The following NDUFV2 variants were observed in gnomAD, a reference collection of about 807,000 sequenced individuals.
NDUFV2 encodes NADH:ubiquinone oxidoreductase core subunit V2, also known as NADH dehydrogenase [ubiquinone] flavoprotein 2, mitochondrial.
Under a neutral mutation model 31.6 loss-of-function variants are expected in NDUFV2, and 18 were observed. That is an observed-to-expected ratio of 0.57 (90% confidence interval 0.39 to 0.84). The LOEUF (loss-of-function observed/expected upper bound fraction) is 0.84. Among genes scored for constraint, NDUFV2 ranks in the 40% least tolerant of loss-of-function variants. NDUFV2 has a pLI of 0.00. For missense variants in NDUFV2, 314 were observed against 303.6 expected (o/e 1.03, Z -0.26); for synonymous variants, 83 against 99.8 (o/e 0.83, Z 1.01).
intron 1 of NDUFV2, chr18:9,103,339 C>A (rs573623534): frequency 2.6e-6 from 1 of 391,256 alleles, no homozygotes; most frequent in Non-Finnish European, 4.5e-6. Flanking sequence ...CAAACTAACT[C>A]TGAAAGAACG....
chr18:9,114,128 C>T (rs983353277), intron 1 of NDUFV2, among the ~76,000 whole-genome samples: 2 of 152,062 alleles, frequency 1.3e-5, no homozygotes, highest in South Asian at 2.1e-4. Flanking sequence ...CTGCTGCTCA[C>T]CAAATGCACA....
intron 1 of NDUFV2, among the ~76,000 whole-genome samples, chr18:9,114,454 T>A (rs1251361815): frequency 6.6e-6 from 1 of 151,812 alleles, no homozygotes; most frequent in Non-Finnish European, 1.5e-5. Flanking sequence ...TCTTTTTTTT[T>A]TTTTTTTTTT....
At chr18:9,123,024 CATT>C (rs1261992881) in intron 5 of NDUFV2, among the ~76,000 whole-genome samples, 2 of 152,124 alleles carry the variant, frequency 1.3e-5, no homozygotes, top group South Asian at 2.1e-4. Flanking sequence ...AAAAGTGACC[CATT>C]ATTGTCTTTA....
At chr18:9,121,866 A>G (rs922097177) in intron 4 of NDUFV2, among the ~76,000 whole-genome samples, 1 of 152,240 alleles carries the variant, frequency 6.6e-6, no homozygotes, top group African/African-American at 2.4e-5. Context: ...ACTAGACTAT[A>G]TGATTCAACT....
intron 4 of NDUFV2, among the ~76,000 whole-genome samples, 163 bp downstream of exon 4, chr18:9,119,753 T>A (rs925339810): frequency 6.6e-6 from 1 of 152,196 alleles, no homozygotes; most frequent in Admixed American, 6.5e-5. Flanking sequence ...TTTTTGTTCA[T>A]TCCCTTAATG....
At chr18:9,133,690 CTG>C (rs1305854664) in intron 7 of NDUFV2, among the ~76,000 whole-genome samples, 1 of 152,192 alleles carries the variant, frequency 6.6e-6, no homozygotes, top group Non-Finnish European at 1.5e-5. Context: ...CCTCTATTCA[CTG>C]TGACTGTGGA....
chr18:9,119,359 C>G lies in NDUFV2; in HGVS notation c.154C>G (p.Pro52Ala), dbSNP rs151299130. The change falls in exon 3 of 8, where the codon CCA becomes GCA. Residue 52 changes from proline to alanine, a missense_variant. Pro to Ala is a conservative substitution (Grantham distance 27). Transcript: ENST00000318388. Reference protein sequence around the residue: ...RDTPENNPDTPFDFTPENYKR... With the variant: ...RDTPENNPDTAFDFTPENYKR... Reference sequence around the variant, plus strand: ...TACTCCTGAGAATAACCCTGATACTCCATTTGATTTCACACCAGAAAACTA... The same window carrying G: ...TACTCCTGAGAATAACCCTGATACTGCATTTGATTTCACACCAGAAAACTA... 2 of 1,613,136 alleles carry G rather than the reference C, an allele frequency of 1.2e-6. No individual in the cohort carries two copies. The highest frequency in any genetic ancestry group is 1.7e-6 in the Non-Finnish European group (2 of 1,179,248).
At chr18:9,124,722 A>C (rs1260974553) in intron 5 of NDUFV2, 152 bp from the exon 6 acceptor site, 1 of 645,820 alleles carries the variant, frequency 1.5e-6, no homozygotes, top group Non-Finnish European at 2.5e-6. Flanking sequence ...TGCTGGGATT[A>C]CAGGCGTGAG....
At chr18:9,125,102 T>G in intron 6 of NDUFV2, 119 bp downstream of exon 6, 1 of 1,069,714 alleles carries the variant, frequency 9.3e-7, no homozygotes, top group South Asian at 1.7e-5. Flanking sequence ...AAGAAATGGT[T>G]ACCATAAATA....
chr18:9,124,684 G>C lies in NDUFV2; in HGVS notation c.470-190G>C, dbSNP rs536399887. The stretch of plus-strand genomic sequence containing the variant: ...AGGATGGTCTAGATCTCCTGACCTC[G>C]TGATCTGCCCACCCCAGCCTCCCAA... On this transcript the variant is annotated intron_variant, in intron 5 of 7. Coordinates refer to ENST00000318388, the MANE Select transcript of NDUFV2 (RefSeq NM_021074.5). Among the ~76,000 whole-genome samples, 218 of 151,936 alleles carry C rather than the reference G, an allele frequency of 1.4e-3. 1 individual carries two copies. Among genetic ancestry groups the C allele is most frequent in the Middle Eastern group, 3.4e-3 (1 of 294 alleles).
intron 7 of NDUFV2, 45 bp from the exon 8 acceptor site, chr18:9,134,141 T>C: frequency 6.8e-7 from 1 of 1,473,512 alleles, no homozygotes; most frequent in South Asian, 1.1e-5. Flanking sequence ...AGTAAAAATT[T>C]ACAAATGTTA....
chr18:9,120,196 A>G (rs906681845), intron 4 of NDUFV2, among the ~76,000 whole-genome samples: 1 of 152,204 alleles, frequency 6.6e-6, no homozygotes, highest in Non-Finnish European at 1.5e-5. Context: ...ACAAATAACT[A>G]CATTTGTGTG....
intron 7 of NDUFV2, among the ~76,000 whole-genome samples, chr18:9,129,981 T>G (rs187961905): frequency 2.7e-3 from 414 of 152,314 alleles, no homozygotes; most frequent in African/African-American, 9.6e-3. Context: ...CTGAGGTTCC[T>G]TTACCGAAAA....
intron 1 of NDUFV2, chr18:9,104,937 A>G (rs2077834168): frequency 1.3e-6 from 2 of 1,544,440 alleles, no homozygotes; most frequent in African/African-American, 1.3e-5. Context: ...ATGTCTACAC[A>G]TAACAGACCT....
intron 7 of NDUFV2, among the ~76,000 whole-genome samples, chr18:9,133,207 T>C (rs930902535): frequency 1.3e-5 from 2 of 152,204 alleles, no homozygotes; most frequent in African/African-American, 4.8e-5. Flanking sequence ...GATGACACAA[T>C]GTGAAGGGCA....
chr18:9,120,218 C>T (rs1430070251), intron 4 of NDUFV2, among the ~76,000 whole-genome samples: 1 of 152,110 alleles, frequency 6.6e-6, no homozygotes, highest in East Asian at 1.9e-4. Context: ...TGATGTATTA[C>T]AGCATATCAT....
In NDUFV2 at chr18:9,125,003, C is replaced by A; in HGVS notation, c.579+20C>A. The stretch of plus-strand genomic sequence containing the variant: ...TACTATGTGAGTATTTCAGGTAATA[C>A]AAGTTAAAGTTGTATGATGTCATAT... On this transcript the variant is annotated intron_variant, in intron 6 of 7. Coordinates refer to ENST00000318388, the MANE Select transcript of NDUFV2 (RefSeq NM_021074.5). 2 of 1,610,076 alleles carry A rather than the reference C, an allele frequency of 1.2e-6. No homozygotes were observed. The highest frequency in any genetic ancestry group is 1.1e-5 in the South Asian group (1 of 90,734).
intron 4 of NDUFV2, among the ~76,000 whole-genome samples, chr18:9,120,611 A>G (rs1255285302): frequency 6.6e-6 from 1 of 152,200 alleles, no homozygotes; most frequent in Non-Finnish European, 1.5e-5. Context: ...TCCTAAATGC[A>G]AATTTTAGAT....
At chr18:9,117,681 C>A in intron 1 of NDUFV2, 157 bp from the exon 2 acceptor site, 1 of 574,236 alleles carries the variant, frequency 1.7e-6, no homozygotes, top group East Asian at 3.0e-5. Context: ...TAAAATAACT[C>A]TCCTGAAATA....
Sources: allele counts gnomAD v4.1 joint callset (sites outside exome capture counted in the v4.1 genomes callset), GRCh38; gene constraint gnomAD v4.1.1; transcripts MANE v1.5; gene names NCBI Gene and HGNC (gene_info 2026-07-23, HGNC 2026-07-21).